CTNNA3: variants seen among roughly 807,000 people sequenced by gnomAD.
CTNNA3 encodes the protein catenin alpha-3.
Under a neutral mutation model 95.7 loss-of-function variants are expected in CTNNA3, and 76 were observed. The observed-to-expected ratio is 0.79, with a 90% CI of 0.66 to 0.96. The LOEUF is 0.96. CTNNA3 is among the 40% of genes least tolerant of loss of function. CTNNA3 has a pLI of 0.00. For synonymous variants in CTNNA3, 431 were observed against 374.4 expected, an observed-to-expected ratio of 1.15 and a Z score of -1.74; for missense variants, 1,191 against 1,089.8, an observed-to-expected ratio of 1.09 and a Z score of -1.31.
chr10:67,730,257 C>G (rs898190190), intron 1 of CTNNA3, among the ~76,000 whole-genome samples: 2 of 151,984 alleles, frequency 1.3e-5, no homozygotes, highest in Non-Finnish European at 2.9e-5. Flanking sequence ...AGATCAGATT[C>G]AGATGGCTTC....
intron 7 of CTNNA3, among the ~76,000 whole-genome samples, chr10:66,920,832 C>T (rs1303144786): frequency 6.6e-6 from 1 of 152,116 alleles, no homozygotes; most frequent in African/African-American, 2.4e-5. Context: ...TATTTCATAC[C>T]TCCACTTCTA....
chr10:66,799,093 A>G (rs1361689479), intron 7 of CTNNA3, among the ~76,000 whole-genome samples: 1 of 151,644 alleles, frequency 6.6e-6, no homozygotes, highest in African/African-American at 2.4e-5. Context: ...GACAGAATCA[A>G]AATGATCTGC....
chr10:66,817,865 T>C (rs534867780), intron 7 of CTNNA3, among the ~76,000 whole-genome samples: 5 of 152,072 alleles, frequency 3.3e-5, no homozygotes, highest in African/African-American at 1.2e-4. Context: ...ATAAACATCC[T>C]TTAAAATATA....
At chr10:67,382,064 C>G (rs866870355) in intron 5 of CTNNA3, among the ~76,000 whole-genome samples, 15 of 152,144 alleles carry the variant, frequency 9.9e-5, no homozygotes, top group Admixed American at 5.9e-4. Flanking sequence ...GTTTGACTAA[C>G]AGTTTATGAG....
At chr10:67,399,330 T>G (rs1844832712) in intron 5 of CTNNA3, among the ~76,000 whole-genome samples, 1 of 152,200 alleles carries the variant, frequency 6.6e-6, no homozygotes, top group Non-Finnish European at 1.5e-5. Flanking sequence ...AAACCAATAT[T>G]ATTAATTTTA....
chr10:66,650,580 A>G (rs1845858893), intron 9 of CTNNA3, among the ~76,000 whole-genome samples: 1 of 152,194 alleles, frequency 6.6e-6, no homozygotes, highest in Admixed American at 6.5e-5. Context: ...GATGAATGTT[A>G]CAGTTTTTAA....
At chr10:67,711,838 G>T (rs1204011468) in intron 1 of CTNNA3, among the ~76,000 whole-genome samples, 19 of 149,638 alleles carry the variant, frequency 1.3e-4, no homozygotes, top group Admixed American at 4.7e-4. Context: ...GCGGTGTTTG[G>T]TTTTTTGTTC....
At chr10:67,181,000 T>C (rs1258233691) in intron 6 of CTNNA3, among the ~76,000 whole-genome samples, 1 of 152,150 alleles carries the variant, frequency 6.6e-6, no homozygotes, top group Non-Finnish European at 1.5e-5. Context: ...AGCAAAGTAT[T>C]AATAACTACA....
intron 11 of CTNNA3, among the ~76,000 whole-genome samples, chr10:66,501,141 T>G (rs1471419177): frequency 3.3e-5 from 5 of 152,178 alleles, no homozygotes; most frequent in African/African-American, 1.2e-4. Context: ...TACAAACTTA[T>G]GAAGAACCAG....
intron 5 of CTNNA3, among the ~76,000 whole-genome samples, chr10:67,309,053 T>C (rs1840675110): frequency 6.6e-6 from 1 of 152,194 alleles, no homozygotes; most frequent in Admixed American, 6.5e-5. Flanking sequence ...GTGAAAAACT[T>C]TGAAGATAAA....
Position 67,750,206 on chromosome 10 carries a change from C to G in CTNNA3, c.-2+13228G>C, listed in dbSNP as rs1473395670. 3.4e-5 allele frequency: 47 copies of G among 1,378,718 alleles called. No individual in the cohort carries two copies. The East Asian group carries it at 1.1e-3, about 32-fold the overall frequency. 85.4% of individuals were successfully genotyped at this position (1,378,718 alleles called of 1,614,324 possible). ...TCTTGAAGTCAGTGAGACCAAGAACCCACTGGAAGGAACCAACTCTGGACA... is the reference window on the plus strand; with the variant it reads ...TCTTGAAGTCAGTGAGACCAAGAACGCACTGGAAGGAACCAACTCTGGACA... On this transcript the variant is annotated intron_variant, in intron 1 of 17. Transcript: ENST00000684154.
At chr10:66,104,098 T>C (rs1354281246) in intron 13 of CTNNA3, among the ~76,000 whole-genome samples, 4 of 152,168 alleles carry the variant, frequency 2.6e-5, no homozygotes, top group Admixed American at 6.5e-5. Flanking sequence ...AGGGACTTAA[T>C]AAATAATTCA....
intron 5 of CTNNA3, among the ~76,000 whole-genome samples, chr10:67,284,149 T>G (rs1343972454): frequency 6.6e-6 from 1 of 152,160 alleles, no homozygotes; most frequent in African/African-American, 2.4e-5. Context: ...ACCACAAAAA[T>G]CATTGTTCTT....
chr10:66,663,785 AT>A (rs1279010090), intron 9 of CTNNA3, among the ~76,000 whole-genome samples: 3 of 152,190 alleles, frequency 2.0e-5, no homozygotes, highest in African/African-American at 7.2e-5. Flanking sequence ...CTAGAGCAAA[AT>A]TAAGAAAAGA....
chr10:66,609,416 A>G lies in CTNNA3; in HGVS notation c.1374+12276T>C, dbSNP rs147549230. The stretch of plus-strand genomic sequence containing the variant: ...AACTTATACAAGCTTACAAGAAAAG[A>G]AAAAGCAACCCCATTAAAAAGTGGG... On this transcript the variant is annotated intron_variant, in intron 10 of 17. Transcript: ENST00000433211. Among the ~76,000 whole-genome samples the G allele has an allele frequency of 2.7e-3, 408 of 149,362 alleles. 2 individuals carry two copies. The highest frequency in any genetic ancestry group is 9.7e-3 in the African/African-American group (391 of 40,364).
chr10:67,295,304 T>C (rs961643554), intron 5 of CTNNA3, among the ~76,000 whole-genome samples: 5 of 152,190 alleles, frequency 3.3e-5, no homozygotes, highest in Admixed American at 2.0e-4. Context: ...GAAAGCAGGA[T>C]TTTTTAAAAG....
chr10:67,741,135 A>T (rs1841335215), intron 1 of CTNNA3, among the ~76,000 whole-genome samples: 1 of 150,782 alleles, frequency 6.6e-6, no homozygotes, highest in African/African-American at 2.4e-5. Context: ...CAGGAGGGGG[A>T]ACATCACACT....
At chr10:66,357,217 A>G (rs1056628843) in intron 12 of CTNNA3, among the ~76,000 whole-genome samples, 1 of 152,126 alleles carries the variant, frequency 6.6e-6, no homozygotes, top group Non-Finnish European at 1.5e-5. Flanking sequence ...AACCAGGGAA[A>G]CTGTCCAGGC....
chr10:67,521,796 G>A lies in CTNNA3; in HGVS notation c.579+46C>T, dbSNP rs201676948. 1.4e-3 allele frequency: 2,191 copies of A among 1,595,354 alleles called. 3 individuals carry two copies. The highest frequency in any genetic ancestry group is 2.5e-3 in the South Asian group (219 of 88,916). On this transcript the variant is annotated intron_variant, in intron 5 of 17. Coordinates refer to ENST00000433211, the MANE Select transcript of CTNNA3 (RefSeq NM_013266.4). Reference sequence around the variant, plus strand: ...CCTCTGACAGGCAGGATGGCAGGAAGCCTAAAGTGTTCATCTCCTCCACCA... The same window carrying A: ...CCTCTGACAGGCAGGATGGCAGGAAACCTAAAGTGTTCATCTCCTCCACCA...
Sources: allele counts gnomAD v4.1 joint callset (sites outside exome capture counted in the v4.1 genomes callset), GRCh38; gene constraint gnomAD v4.1.1; transcripts MANE v1.5; gene names NCBI Gene and HGNC (gene_info 2026-07-23, HGNC 2026-07-21).